HERC1: variants seen among roughly 807,000 people sequenced by gnomAD.
The protein encoded by HERC1 is probable E3 ubiquitin-protein ligase HERC1.
HERC1 carries 160 observed loss-of-function variants against 554.3 expected under a neutral mutation model. That is an observed-to-expected ratio of 0.29 (90% CI 0.25 to 0.33). The LOEUF (loss-of-function observed/expected upper bound fraction) is 0.33. Among genes scored for constraint, HERC1 ranks in the 10% least tolerant of loss-of-function variants. The probability of loss-of-function intolerance (pLI) is 1.00; values close to 1 mark genes in which losing one functional copy is unlikely to be tolerated. For missense variants in HERC1, 4,919 were observed against 5,918.5 expected, an observed-to-expected ratio of 0.83 and a Z score of 5.54; for synonymous variants, 2,175 against 2,131.7, an observed-to-expected ratio of 1.02 and a Z score of -0.56.
At chr15:63,702,155 A>G (rs1020386871) in intron 25 of HERC1, among the ~76,000 whole-genome samples, 3 of 152,194 alleles carry the variant, frequency 2.0e-5, no homozygotes, top group African/African-American at 4.8e-5. Flanking sequence ...TACTTGCTTG[A>G]AGCTCTTCTT....
chr15:63,738,943 T>C (rs1019009873), intron 12 of HERC1, among the ~76,000 whole-genome samples: 12 of 151,536 alleles, frequency 7.9e-5, no homozygotes, highest in African/African-American at 2.7e-4. Flanking sequence ...TCCAACCCCA[T>C]TTGAGGGGAT....
intron 30 of HERC1, among the ~76,000 whole-genome samples, chr15:63,693,692 A>C (rs1213514833): frequency 6.6e-6 from 1 of 152,192 alleles, no homozygotes; most frequent in Non-Finnish European, 1.5e-5. Flanking sequence ...TCTAAAATCT[A>C]GGTCTCAGAG....
rs2070984780 is a variant in HERC1, at chr15:63,672,482, G to C, written c.8045+14C>G. 1 of 1,565,728 alleles carries C rather than the reference G, an allele frequency of 6.4e-7. No individual in the cohort carries two copies. The highest frequency in any genetic ancestry group is 8.7e-7 in the Non-Finnish European group (1 of 1,153,350). On this transcript the variant is annotated intron_variant, in intron 39 of 77. Coordinates refer to ENST00000443617, the MANE Select transcript of HERC1 (RefSeq NM_003922.4). ...GGCATCAGTATGGCAGACATTAAAG[G>C]TCAACTTCTCTACCTGAGAAGACTA...
chr15:63,618,633 G>T (rs1183285782), intron 74 of HERC1, among the ~76,000 whole-genome samples: 1 of 152,182 alleles, frequency 6.6e-6, no homozygotes, highest in African/African-American at 2.4e-5. Flanking sequence ...TCCTACCCAT[G>T]AGCATGGAAT....
At chr15:63,693,595 A>G (rs1228012120) in intron 30 of HERC1, among the ~76,000 whole-genome samples, 1 of 143,402 alleles carries the variant, frequency 7.0e-6, no homozygotes, top group East Asian at 2.0e-4. Context: ...GTCAGGATCA[A>G]GGTTAGAGAT....
rs758696768 is a variant in HERC1, at chr15:63,655,904, T to C, written c.9922A>G (p.Ile3308Val). ...AAGCTGGGTAGAAACTTTCGCTGAA[T>C]TGAGTCATCAACTGTGGTTAGATTT... ...GVNLTTVDDS[I>V]QRKFLPSFLR... The change falls in exon 50 of 78, where the codon ATT becomes GTT. Residue 3308 changes from isoleucine to valine, a missense_variant. Ile to Val is a conservative substitution (Grantham distance 29). Coordinates refer to ENST00000443617, the MANE Select transcript of HERC1 (RefSeq NM_003922.4). 1.4e-5 allele frequency: 22 copies of C among 1,613,106 alleles called. No homozygotes were observed. Among genetic ancestry groups the C allele is most frequent in the Non-Finnish European group, 1.7e-5 (20 of 1,179,568 alleles).
At chr15:63,823,631 T>C (rs964765650) in intron 1 of HERC1, among the ~76,000 whole-genome samples, 1 of 152,214 alleles carries the variant, frequency 6.6e-6, no homozygotes, top group African/African-American at 2.4e-5. Context: ...CTCACAAGGA[T>C]GGTACATAAC....
chr15:63,761,586 C>CAA (rs11301389), intron 3 of HERC1, among the ~76,000 whole-genome samples: 41 of 119,244 alleles, frequency 3.4e-4, no homozygotes, highest in African/African-American at 8.1e-4. Context: ...AAGACTGTCT[C>CAA]AAAAAAAAAA....
chr15:63,719,375 C>T (rs1236810475), intron 19 of HERC1, among the ~76,000 whole-genome samples: 1 of 152,212 alleles, frequency 6.6e-6, no homozygotes, highest in Non-Finnish European at 1.5e-5. Flanking sequence ...TTCAAGGAGG[C>T]CAGTGTGGCT....
intron 1 of HERC1, among the ~76,000 whole-genome samples, chr15:63,784,677 G>A (rs1411784630): frequency 1.3e-5 from 2 of 151,742 alleles, no homozygotes; most frequent in East Asian, 1.9e-4. Context: ...GCGCAATCTC[G>A]GCTCACTGCA....
intron 39 of HERC1, among the ~76,000 whole-genome samples, chr15:63,671,659 G>C (rs1355772499): frequency 6.6e-6 from 1 of 152,126 alleles, no homozygotes; most frequent in African/African-American, 2.4e-5. Context: ...CTTGCTGAGG[G>C]ATACAGCCCT....
rs771781070 is a variant in HERC1 at position 63,649,878 on chromosome 15, C to T, written c.10594G>A (p.Ala3532Thr). The change falls in exon 54 of 78, where the codon GCT becomes ACT. Residue 3532 changes from alanine to threonine, a missense_variant. Ala to Thr is a moderately conservative substitution (Grantham distance 58, BLOSUM62 0). Around this residue, in one of 11 missense-constraint regions of HERC1, gnomAD observed 1,963 missense variants for 2,228.6 expected, o/e 0.88. Coordinates refer to ENST00000443617, the MANE Select transcript of HERC1 (RefSeq NM_003922.4). ...DIQPHWVSAL[A>T]WPEEGPATAW... is the part of the protein sequence containing the mutation. ...GTAGCCGGACCCTCTTCTGGCCAAG[C>T]CAGGGCAGATACCCAATGAGGCTGA... 1.2e-6 allele frequency: 2 copies of T among 1,612,258 alleles called. No individual in the cohort carries two copies. Among genetic ancestry groups the T allele is most frequent in the Admixed American group, 1.7e-5 (1 of 59,754 alleles).
intron 57 of HERC1, among the ~76,000 whole-genome samples, 184 bp downstream of exon 57, chr15:63,644,808 G>A (rs2069248406): frequency 6.6e-6 from 1 of 152,260 alleles, no homozygotes; most frequent in East Asian, 1.9e-4. Context: ...ATTTTACCAA[G>A]CAATTATGGT....
In HERC1 at chr15:63,640,347, G is replaced by A. The variant is rs778967450; in HGVS notation, c.11706C>T (p.Asn3902=). The change falls in exon 61 of 78, where the codon AAC becomes AAT. Residue 3902 remains asparagine, a synonymous_variant. Coordinates refer to ENST00000443617, the MANE Select transcript of HERC1 (RefSeq NM_003922.4). ...VGLHLDQLLC[N]PPVPPHHQNC... ...TCTGGTGGTGTGGTGGCACTGGAGG[G>A]TTACACAACAGCTGATCCAGATGAA... 1.9e-6 allele frequency: 3 copies of A among 1,613,820 alleles called. No homozygotes were observed. Among genetic ancestry groups the A allele is most frequent in the Non-Finnish European group, 2.5e-6 (3 of 1,179,776 alleles).
chr15:63,828,841 T>C (rs182651932), intron 1 of HERC1, among the ~76,000 whole-genome samples: 60 of 152,298 alleles, frequency 3.9e-4, no homozygotes, highest in African/African-American at 1.4e-3. Context: ...ATAACTAACC[T>C]AAGTAACTTT....
intron 38 of HERC1, among the ~76,000 whole-genome samples, chr15:63,673,236 GGAAT>G (rs2071024903): frequency 8.3e-6 from 1 of 121,082 alleles, no homozygotes; most frequent in Non-Finnish European, 1.9e-5. Context: ...TAATTGTTAA[GGAAT>G]CCTACAAATA....
chr15:63,718,512 A>G lies in HERC1; in HGVS notation c.3978+62T>C. The G allele has an allele frequency of 2.7e-6, 4 of 1,489,780 alleles. No homozygotes were observed. The highest frequency in any genetic ancestry group is 3.6e-6 in the Non-Finnish European group (4 of 1,110,744). 92.3% of individuals were successfully genotyped at this position (1,489,780 alleles called of 1,614,324 possible). Reference sequence around the variant, plus strand: ...GCACATTTTTTTCTCACATAAACCAATTTAGAGCTAGCTCTCACAGCTTGC... The same window carrying G: ...GCACATTTTTTTCTCACATAAACCAGTTTAGAGCTAGCTCTCACAGCTTGC... On this transcript the variant is annotated intron_variant, in intron 21 of 77. Transcript: ENST00000443617. The surrounding 1 kb of genome is among the most constrained non-coding windows in gnomAD (Gnocchi z 4.2).
In HERC1 at chr15:63,680,302, G is replaced by A. The variant is rs559387634; in HGVS notation, c.6466-142C>T. 1.9e-3 allele frequency: 1,395 copies of A among 753,964 alleles called. 6 individuals carry two copies. Among genetic ancestry groups the A allele is most frequent in the Non-Finnish European group, 2.3e-3 (1,107 of 478,914 alleles). 46.7% of individuals were successfully genotyped at this position (753,964 alleles called of 1,614,324 possible). On this transcript the variant is annotated intron_variant, in intron 35 of 77. Coordinates refer to ENST00000443617, the MANE Select transcript of HERC1 (RefSeq NM_003922.4). The surrounding 1 kb of genome is among the most constrained non-coding windows in gnomAD (Gnocchi z 5.8). ...AAATTCTCAATTAACCTTGCTAACC[G>A]AGAAAATTCTACATATAATAAGTGA...
intron 3 of HERC1, 96 bp downstream of exon 3, chr15:63,764,000 C>T (rs891072975): frequency 1.0e-5 from 6 of 587,600 alleles, no homozygotes; most frequent in African/African-American, 7.9e-5. Flanking sequence ...CCTTTTGTAG[C>T]TTTTCCAGAG....
Sources: allele counts gnomAD v4.1 joint callset (sites outside exome capture counted in the v4.1 genomes callset), GRCh38; gene constraint gnomAD v4.1.1; regional missense constraint gnomAD v4.1.1; non-coding constraint Gnocchi (gnomAD v3.1); transcripts MANE v1.5; gene names NCBI Gene and HGNC (gene_info 2026-07-23, HGNC 2026-07-21).